OPRK1: variants seen among roughly 807,000 people sequenced by gnomAD.
OPRK1 encodes the protein kappa-type opioid receptor.
A neutral mutation model predicts 24.5 loss-of-function variants in OPRK1; 15 were observed. That is an observed-to-expected ratio of 0.61 (90% CI 0.41 to 0.94). The LOEUF (loss-of-function observed/expected upper bound fraction) is 0.94, where lower values mean the gene tolerates loss of function less well. Among genes scored for constraint, OPRK1 ranks in the 40% least tolerant of loss-of-function variants. The probability of loss-of-function intolerance (pLI) is 0.00; values close to 1 mark genes in which losing one functional copy is unlikely to be tolerated. For missense variants in OPRK1, 479 were observed against 507.3 expected, an observed-to-expected ratio of 0.94 and a Z score of 0.54; for synonymous variants, 205 against 198.0, an observed-to-expected ratio of 1.04 and a Z score of -0.30.
rs1806785529 is a variant in OPRK1 at position 53,229,090 on chromosome 8, T to C, written c.*207A>G. 5.5e-6 allele frequency: 3 copies of C among 548,530 alleles called. No homozygotes were observed. The highest frequency in any genetic ancestry group is 9.6e-6 in the Non-Finnish European group (3 of 312,942). The allele number at this position is 548,530 out of a possible 1,614,324, so 34.0% of individuals were successfully genotyped here. ...TCGCTTCTGTGCCCTAGAGAAGAGG[T>C]GCATGTGTTGCGTGGACCTTTTGTC... On this transcript the variant is annotated 3_prime_UTR_variant, in exon 4 of 4. Coordinates refer to ENST00000265572, the MANE Select transcript of OPRK1 (RefSeq NM_000912.5).
At position 53,229,596 on chromosome 8, in the gene OPRK1, C is replaced by A; in HGVS notation, c.844G>T (p.Val282Phe). The A allele has an allele frequency of 1.2e-6, 2 of 1,613,648 alleles. No individual in the cohort carries two copies. Among genetic ancestry groups the A allele is most frequent in the African/African-American group, 1.3e-5 (1 of 74,986 alleles). Residue 282 changes from valine (V) to phenylalanine (F), a missense_variant, in exon 4 of 4, where the codon GTC (valine) becomes TTC (phenylalanine). By Grantham distance (50) the Val-to-Phe change is conservative. Coordinates refer to ENST00000265572, the MANE Select transcript of OPRK1 (RefSeq NM_000912.5). ...ATGGGAGTCCAGCAGACGACGAAGACTGCCACCACCACCAGGACCAGTCTG... is the reference window on the plus strand; with the variant it reads ...ATGGGAGTCCAGCAGACGACGAAGAATGCCACCACCACCAGGACCAGTCTG... ...ITRLVLVVVAVFVVCWTPIHI... is the reference protein window; with the variant it reads ...ITRLVLVVVAFFVVCWTPIHI...
At chr8:53,251,272 G>T in intron 1 of OPRK1, 176 bp downstream of exon 1, 1 of 601,296 alleles carries the variant, frequency 1.7e-6, no homozygotes, top group Non-Finnish European at 2.7e-6. Context: ...CCAGAGAGGG[G>T]CGAAGAGCGC....
chr8:53,247,303 T>C (rs1025802673), intron 2 of OPRK1, among the ~76,000 whole-genome samples: 3 of 152,188 alleles, frequency 2.0e-5, no homozygotes, highest in Non-Finnish European at 4.4e-5. Context: ...GGATCAATGG[T>C]CAGGCCACTG....
In OPRK1 at chr8:53,229,590, C is replaced by T. The variant is rs557368531; in HGVS notation, c.850G>A (p.Val284Ile). The change falls in exon 4 of 4, where the codon GTC becomes ATC. Residue 284 changes from valine to isoleucine, a missense_variant. Physicochemically the swap from Val to Ile is conservative, Grantham distance 29 (BLOSUM62 3). Transcript: ENST00000265572. ...RLVLVVVAVF[V>I]VCWTPIHIFI... is the part of the protein sequence containing the mutation. ...ATGTGAATGGGAGTCCAGCAGACGA[C>T]GAAGACTGCCACCACCACCAGGACC... The T allele has an allele frequency of 1.7e-5, 28 of 1,614,138 alleles. No individual in the cohort carries two copies. The highest frequency in any genetic ancestry group is 5.5e-5 in the South Asian group (5 of 91,072).
intron 2 of OPRK1, among the ~76,000 whole-genome samples, chr8:53,237,158 A>C (rs907654506): frequency 2.7e-4 from 41 of 152,332 alleles, no homozygotes; most frequent in Admixed American, 7.2e-4. Flanking sequence ...GGAAGCCACC[A>C]GTTACCACAG....
intron 2 of OPRK1, among the ~76,000 whole-genome samples, chr8:53,241,473 G>A (rs1441007567): frequency 6.6e-6 from 1 of 151,810 alleles, no homozygotes; most frequent in African/African-American, 2.4e-5. Flanking sequence ...CCCCAGCCTG[G>A]GCCACAGAGA....
At chr8:53,250,304 CTGAGGAGT>C (rs1807342696) in intron 2 of OPRK1, among the ~76,000 whole-genome samples, 1 of 152,186 alleles carries the variant, frequency 6.6e-6, no homozygotes, top group Non-Finnish European at 1.5e-5. Context: ...AAACACCAGT[CTGAGGAGT>C]CCCAGGAAAT....
rs1403653173 is a variant in OPRK1 at position 53,251,198 on chromosome 8, G to C, written c.-48-113C>G. On this transcript the variant is annotated intron_variant, in intron 1 of 3. Transcript: ENST00000265572. ...ACTCCCACCCGGGCCGCAAGTCGCCGGGGGCAGGACAGGGAGAACGGACTT... is the reference window on the plus strand; with the variant it reads ...ACTCCCACCCGGGCCGCAAGTCGCCCGGGGCAGGACAGGGAGAACGGACTT... 2.5e-6 allele frequency: 3 copies of C among 1,206,212 alleles called. No individual in the cohort carries two copies. In the East Asian group the frequency reaches 9.1e-5, roughly 37 times the overall value. The allele number at this position is 1,206,212 out of a possible 1,614,324, so 74.7% of individuals were successfully genotyped here. A position where few individuals can be genotyped will look rare whatever the true frequency, so the allele number is the denominator to read the frequency against.
chr8:53,234,203 A>AAAAAAAAAAAAAAAAAAAAAAAAG (rs1806930667), intron 3 of OPRK1, among the ~76,000 whole-genome samples: 2 of 150,692 alleles, frequency 1.3e-5, no homozygotes, highest in Non-Finnish European at 3.0e-5. Context: ...AAAAAAAAAA[A>AAAAAAAAAAAAAAAAAAAAAAAAG]TCAGTTGGCT....
intron 2 of OPRK1, among the ~76,000 whole-genome samples, chr8:53,245,942 C>T (rs1807217226): frequency 2.0e-5 from 3 of 152,198 alleles, no homozygotes; most frequent in South Asian, 2.1e-4. Context: ...CAGCTTGTCT[C>T]TCCTGACTTC....
intron 2 of OPRK1, among the ~76,000 whole-genome samples, chr8:53,245,625 G>A (rs916775933): frequency 6.6e-6 from 1 of 152,140 alleles, no homozygotes; most frequent in Admixed American, 6.5e-5. Flanking sequence ...CTGGGAGAGA[G>A]AGAGATAATT....
chr8:53,234,939 T>TGAAC lies in OPRK1; in HGVS notation c.426_429dup (p.Thr144ValfsTer67). 2 of 1,614,170 alleles carry TGAAC rather than the reference T, an allele frequency of 1.2e-6. No individual in the cohort carries two copies. Among genetic ancestry groups the TGAAC allele is most frequent in the Non-Finnish European group, 1.7e-6 (2 of 1,180,034 alleles). The stretch of plus-strand genomic sequence containing the variant: ...ATCATGGTCAAGGTGAAGATGCTGG[T>TGAAC]GAACATGTTGTAGTAATCAATGGAA... On this transcript the variant is annotated frameshift_variant, in exon 3 of 4. Coordinates refer to ENST00000265572, the MANE Select transcript of OPRK1 (RefSeq NM_000912.5). LOFTEE classifies it high-confidence loss of function.
At chr8:53,239,076 A>C (rs959441070) in intron 2 of OPRK1, among the ~76,000 whole-genome samples, 1 of 152,094 alleles carries the variant, frequency 6.6e-6, no homozygotes, top group Non-Finnish European at 1.5e-5. Context: ...AAATCAACAC[A>C]CTTTCAGTTG....
Position 53,234,979 on chromosome 8 carries a change from C to G in OPRK1, c.390G>C (p.Leu130=), listed in dbSNP as rs760869618. ...AATCAATGGAAATTACTATCTTGCA[C>G]AGCACATCCCCAAAAGGCCAGGAAT... ...LMNSWPFGDV[L]CKIVISIDYY... The change falls in exon 3 of 4, where the codon CTG becomes CTC. Residue 130 remains leucine, a synonymous_variant. Transcript: ENST00000265572. 2.5e-6 allele frequency: 4 copies of G among 1,614,188 alleles called. No individual in the cohort carries two copies. The highest frequency in any genetic ancestry group is 3.4e-6 in the Non-Finnish European group (4 of 1,180,028).
chr8:53,246,621 A>T (rs1807236327), intron 2 of OPRK1, among the ~76,000 whole-genome samples: 1 of 152,264 alleles, frequency 6.6e-6, no homozygotes. Context: ...CTTCAAAACC[A>T]AGGAGAAGGA....
chr8:53,241,356 A>G (rs1451174217), intron 2 of OPRK1, among the ~76,000 whole-genome samples: 1 of 152,070 alleles, frequency 6.6e-6, no homozygotes, highest in Non-Finnish European at 1.5e-5. Flanking sequence ...TGGGTTATTT[A>G]CTATTGAAAT....
Position 53,234,836 on chromosome 8 carries a change from A to G in OPRK1, c.533T>C (p.Ile178Thr), listed in dbSNP as rs1287906597. The G allele has an allele frequency of 1.2e-6, 2 of 1,614,214 alleles. No individual in the cohort carries two copies. The highest frequency in any genetic ancestry group is 1.7e-6 in the Non-Finnish European group (2 of 1,180,046). Residue 178 changes from isoleucine to threonine, a missense_variant, in exon 3 of 4, where the codon ATC (isoleucine) becomes ACC (threonine). Physicochemically the swap from Ile to Thr is moderately conservative, Grantham distance 89. Transcript: ENST00000265572. Reference protein sequence around the residue: ...DFRTPLKAKIINICIWLLSSS... With the variant: ...DFRTPLKAKITNICIWLLSSS... ...CGACAGCAGCCAGATGCAGATATTG[A>G]TGATCTTTGCCTTCAAGGGTGTGCG...
intron 2 of OPRK1, among the ~76,000 whole-genome samples, chr8:53,245,856 C>T (rs1807215855): frequency 6.6e-6 from 1 of 152,052 alleles, no homozygotes; most frequent in Non-Finnish European, 1.5e-5. Flanking sequence ...GAAAATGGGG[C>T]CTGATCCAAT....
At position 53,228,136 on chromosome 8, in the gene OPRK1, A is replaced by C. The variant is rs890771915; in HGVS notation, c.*1161T>G. The C allele has an allele frequency of 6.6e-6, 1 of 152,256 alleles. No individual in the cohort carries two copies. Among genetic ancestry groups the C allele is most frequent in the Admixed American group, 6.5e-5 (1 of 15,284 alleles). 9.4% of individuals were successfully genotyped at this position (152,256 alleles called of 1,614,324 possible). On this transcript the variant is annotated 3_prime_UTR_variant, in exon 4 of 4. Coordinates refer to ENST00000265572, the MANE Select transcript of OPRK1 (RefSeq NM_000912.5). ...TCATGTCCTCATTCAGCACACATTT[A>C]GGAACAATTCTACTTCCTGCTGAGA...
Sources: allele counts gnomAD v4.1 joint callset (sites outside exome capture counted in the v4.1 genomes callset), GRCh38; gene constraint gnomAD v4.1.1; transcripts MANE v1.5; gene names NCBI Gene and HGNC (gene_info 2026-07-23, HGNC 2026-07-21).